The following RASA1 variants were observed in gnomAD, a reference collection of about 807,000 sequenced individuals.
RASA1 encodes RAS p21 protein activator 1, also known as ras GTPase-activating protein 1.
A neutral mutation model predicts 132.2 loss-of-function variants in RASA1; 25 were observed. That is an observed-to-expected ratio of 0.19 (90% CI 0.14 to 0.26). The LOEUF (loss-of-function observed/expected upper bound fraction) is 0.26, where lower values mean the gene tolerates loss of function less well. RASA1 is among the 10% of genes least tolerant of loss of function. The probability of loss-of-function intolerance (pLI) is 1.00; values close to 1 mark genes in which losing one functional copy is unlikely to be tolerated. For missense variants in RASA1, 964 were observed against 1,299.2 expected, an observed-to-expected ratio of 0.74 and a Z score of 3.97; for synonymous variants, 477 against 449.9, an observed-to-expected ratio of 1.06 and a Z score of -0.76.
intron 1 of RASA1, among the ~76,000 whole-genome samples, chr5:87,287,192 C>G (rs767028587): frequency 7.3e-6 from 1 of 137,616 alleles, no homozygotes; most frequent in African/African-American, 2.7e-5. Flanking sequence ...ATATACACAC[C>G]GTATATACAC....
chr5:87,387,003 A>T, intron 23 of RASA1, 100 bp downstream of exon 23: 2 of 1,133,436 alleles, frequency 1.8e-6, no homozygotes, highest in Non-Finnish European at 1.3e-6. Context: ...TTCTATCCAA[A>T]ACTAAAAAGA....
At chr5:87,377,338 T>G (rs1249920757) in intron 17 of RASA1, among the ~76,000 whole-genome samples, 1 of 152,048 alleles carries the variant, frequency 6.6e-6, no homozygotes, top group Non-Finnish European at 1.5e-5. Flanking sequence ...ATTCTCTTGT[T>G]TTTTATTTTC....
chr5:87,341,310 T>C lies in RASA1; in HGVS notation c.1038T>C (p.His346=). The part of the protein sequence containing the change: ...VEEVGREEDP[H]EGKIWFHGKI... Reference sequence around the variant, plus strand: ...TTTAGGGCCGGGAAGAAGATCCACATGAAGGAAAAATGTGAGTTTGTGTTA... The same window carrying C: ...TTTAGGGCCGGGAAGAAGATCCACACGAAGGAAAAATGTGAGTTTGTGTTA... The change falls in exon 6 of 25, where the codon CAT becomes CAC. Residue 346 remains histidine (H), a synonymous_variant. Transcript: ENST00000274376. 1 of 1,355,354 alleles carries C rather than the reference T, an allele frequency of 7.4e-7. No homozygotes were observed. Among genetic ancestry groups the C allele is most frequent in the Non-Finnish European group, 9.6e-7 (1 of 1,046,088 alleles). The allele number at this position is 1,355,354 out of a possible 1,614,324, so 84.0% of individuals were successfully genotyped here.
intron 9 of RASA1, among the ~76,000 whole-genome samples, chr5:87,356,665 G>C (rs1279367243): frequency 6.6e-6 from 1 of 152,128 alleles, no homozygotes; most frequent in African/African-American, 2.4e-5. Flanking sequence ...GAGCCACTTT[G>C]GTTGCCCCAA....
intron 1 of RASA1, among the ~76,000 whole-genome samples, chr5:87,322,810 C>T (rs1756927229): frequency 6.6e-6 from 1 of 152,222 alleles, no homozygotes; most frequent in African/African-American, 2.4e-5. Flanking sequence ...AACACAACCA[C>T]ATACATAAAT....
chr5:87,390,795 T>A lies in RASA1; in HGVS notation c.3061-5T>A. The A allele has an allele frequency of 6.2e-7, 1 of 1,608,316 alleles. No homozygotes were observed. The highest frequency in any genetic ancestry group is 1.1e-5 in the South Asian group (1 of 90,946). ...TTATTTTCATACCATTTTTCCTCTG[T>A]CTAGCACGTATTGAAAAAGCTTCTG... On this transcript the variant is annotated splice_region_variant and splice_polypyrimidine_tract_variant and intron_variant, in intron 24 of 24. Transcript: ENST00000274376.
At chr5:87,335,413 A>G (rs1204504960) in intron 4 of RASA1, among the ~76,000 whole-genome samples, 2 of 148,574 alleles carry the variant, frequency 1.3e-5, no homozygotes, top group African/African-American at 2.5e-5. Context: ...GATAATAAAG[A>G]ATGAGGTTTT....
At chr5:87,362,782 TG>T in intron 10 of RASA1, 111 bp downstream of exon 10, 1 of 1,284,564 alleles carries the variant, frequency 7.8e-7, no homozygotes, top group Non-Finnish European at 1.1e-6. Flanking sequence ...TATTAGTAAT[TG>T]ACACTTGTTT....
At chr5:87,279,770 G>C (rs1025686735) in intron 1 of RASA1, among the ~76,000 whole-genome samples, 2 of 152,204 alleles carry the variant, frequency 1.3e-5, no homozygotes, top group African/African-American at 4.8e-5. Context: ...GGGTTCTCCA[G>C]AGAGAATCAA....
intron 23 of RASA1, 146 bp downstream of exon 23, chr5:87,387,049 CAAAA>C (rs1336379059): frequency 2.9e-6 from 2 of 694,150 alleles, no homozygotes; most frequent in Admixed American, 2.7e-5. Context: ...CCTTCCTAAA[CAAAA>C]AACATATTTT....
chr5:87,334,931 T>C (rs530632460), intron 4 of RASA1, among the ~76,000 whole-genome samples: 1 of 152,298 alleles, frequency 6.6e-6, no homozygotes, highest in Non-Finnish European at 1.5e-5. Flanking sequence ...TTACCCAGGC[T>C]GGAGTGCAGT....
intron 9 of RASA1, among the ~76,000 whole-genome samples, chr5:87,358,628 C>T (rs770290116): frequency 2.6e-5 from 4 of 152,164 alleles, no homozygotes; most frequent in Non-Finnish European, 4.4e-5. Flanking sequence ...AATGTCAGAT[C>T]GTGTTACTCC....
intron 1 of RASA1, among the ~76,000 whole-genome samples, chr5:87,273,941 G>T (rs373402785): frequency 6.6e-6 from 1 of 152,026 alleles, no homozygotes; most frequent in Admixed American, 6.6e-5. Flanking sequence ...CAGGTGATCC[G>T]CCTGCCTTGG....
At chr5:87,322,164 A>G (rs1382613961) in intron 1 of RASA1, among the ~76,000 whole-genome samples, 1 of 152,070 alleles carries the variant, frequency 6.6e-6, no homozygotes, top group East Asian at 1.9e-4. Context: ...TGTTTAAAGC[A>G]GGGGTCCTCA....
In RASA1 at chr5:87,268,311, G is replaced by C. The variant is rs983453760; in HGVS notation, c.-141G>C. On this transcript the variant is annotated 5_prime_UTR_variant, in exon 1 of 25. Transcript: ENST00000274376. Reference sequence around the variant, plus strand: ...GCCCTAGGAGGGGGCGCGGCGGCGGGCTCTCTCCTTTTGTTGTTGTTTCCT... The same window carrying C: ...GCCCTAGGAGGGGGCGCGGCGGCGGCCTCTCTCCTTTTGTTGTTGTTTCCT... The C allele has an allele frequency of 1.7e-6, 2 of 1,182,022 alleles. No homozygotes were observed. Among genetic ancestry groups the C allele is most frequent in the Non-Finnish European group, 2.3e-6 (2 of 870,360 alleles). The allele number at this position is 1,182,022 out of a possible 1,614,324, so 73.2% of individuals were successfully genotyped here.
rs141119571 is a variant in RASA1 at position 87,379,741 on chromosome 5, C to T, written c.2494C>T (p.Pro832Ser). The T allele has an allele frequency of 2.5e-6, 4 of 1,611,784 alleles. No individual in the cohort carries two copies. In the African/African-American group the frequency reaches 4.0e-5, roughly 16 times the overall value. ...GATTTATTCCTTCTTTTAGTTAAGT[C>T]CATCAAAGTTAGAAAAAAATGAAGA... ...MESKQSCELS[P>S]SKLEKNEDVN... The change falls in exon 19 of 25, where the codon CCA (proline) becomes TCA (serine). Residue 832 changes from proline to serine, a missense_variant. Pro to Ser is a moderately conservative substitution (Grantham distance 74, BLOSUM62 -1). Around this residue, in one of 6 missense-constraint regions of RASA1, gnomAD observed 346 missense variants for 520.1 expected, o/e 0.67. Transcript: ENST00000274376.
intron 1 of RASA1, among the ~76,000 whole-genome samples, chr5:87,270,391 A>G (rs2112225981): frequency 7.0e-6 from 1 of 143,586 alleles, no homozygotes; most frequent in South Asian, 2.3e-4. Context: ...CTTGTTGCCC[A>G]GGCTGGAGTG....
chr5:87,371,084 A>AT, intron 12 of RASA1, among the ~76,000 whole-genome samples: 1 of 152,108 alleles, frequency 6.6e-6, no homozygotes, highest in Non-Finnish European at 1.5e-5. Context: ...TCAGTATCCT[A>AT]TTTTCTAAGT....
At chr5:87,349,475 A>G in intron 8 of RASA1, 111 bp downstream of exon 8, 2 of 1,250,456 alleles carry the variant, frequency 1.6e-6, no homozygotes, top group Non-Finnish European at 1.1e-6. Flanking sequence ...TCTAAAAATT[A>G]TAAGACCTTC....
Sources: gnomAD v4.1 joint callset for allele counts (sites outside exome capture counted in the v4.1 genomes callset) on GRCh38, gnomAD v4.1.1 for gene constraint, gnomAD v4.1.1 regional missense constraint, MANE v1.5 for transcripts, NCBI Gene and HGNC (gene_info 2026-07-23, HGNC 2026-07-21) for gene names.